The following ZFAND3 variants were observed in gnomAD, a reference collection of about 807,000 sequenced individuals.
ZFAND3 encodes the protein AN1-type zinc finger protein 3.
ZFAND3 carries 10 observed loss-of-function variants against 29.6 expected under a neutral mutation model. The ratio of observed to expected loss-of-function variants is 0.34; its 90% CI spans 0.21 to 0.57. ZFAND3 has a LOEUF of 0.57. ZFAND3 is among the 20% of genes least tolerant of loss of function. The probability of loss-of-function intolerance (pLI) is 0.86; values close to 1 mark genes in which losing one functional copy is unlikely to be tolerated. For missense variants in ZFAND3, 230 were observed against 304.5 expected, an observed-to-expected ratio of 0.76 and a Z score of 1.82; for synonymous variants, 128 against 112.6, an observed-to-expected ratio of 1.14 and a Z score of -0.87.
At chr6:37,826,765 A>G (rs577356395) in intron 1 of ZFAND3, among the ~76,000 whole-genome samples, 1 of 152,242 alleles carries the variant, frequency 6.6e-6, no homozygotes, top group East Asian at 1.9e-4. Flanking sequence ...AAAAAAAAAA[A>G]AAGTGTCTAA....
chr6:38,026,331 A>G (rs1763446620), intron 2 of ZFAND3, among the ~76,000 whole-genome samples: 1 of 151,400 alleles, frequency 6.6e-6, no homozygotes. Flanking sequence ...AACACTAACT[A>G]TATAAGGTCT....
rs35182018 is a variant in ZFAND3 at position 37,953,441 on chromosome 6, CTT to C, written c.112+23460_112+23461del. Among the ~76,000 whole-genome samples the C allele has an allele frequency of 8.6e-3, 913 of 106,202 alleles. 10 individuals are homozygous for C. Among genetic ancestry groups the C allele is most frequent in the African/African-American group, 0.029 (789 of 26,758 alleles). The allele number at this position is 106,202 out of a possible 152,430, so 69.7% of individuals were successfully genotyped here. On this transcript the variant is annotated intron_variant, in intron 2 of 5. Coordinates refer to ENST00000287218, the MANE Select transcript of ZFAND3 (RefSeq NM_021943.3). Reference sequence around the variant, plus strand: ...ATACGTTTTACTTTTGCATAATTATCTTTTTTTTTTTTTTTTTTTGGCCTTTC... The same window carrying C: ...ATACGTTTTACTTTTGCATAATTATCTTTTTTTTTTTTTTTTTGGCCTTTC...
Position 37,861,859 on chromosome 6 carries a change from G to T in ZFAND3, c.71+41843G>T, listed in dbSNP as rs1581716328. 7.9e-5 allele frequency among the ~76,000 whole-genome samples: 12 copies of T among 152,260 alleles called. No individual in the cohort carries two copies. The South Asian group carries it at 2.3e-3, about 29-fold the overall frequency. On this transcript the variant is annotated intron_variant, in intron 1 of 5. Transcript: ENST00000287218. ...ATTCTAATATTTCACTGTTTTTAGA[G>T]CCTTGTAAGCTTATTGAACTATTTC...
intron 2 of ZFAND3, among the ~76,000 whole-genome samples, chr6:37,942,365 C>T (rs902296435): frequency 3.3e-5 from 5 of 151,894 alleles, no homozygotes; most frequent in Non-Finnish European, 7.4e-5. Context: ...AAAAGTTTGT[C>T]ATTAAAAATG....
chr6:37,929,926 C>CTTCT, intron 1 of ZFAND3, 33 bp from the exon 2 acceptor site: 2 of 1,571,782 alleles, frequency 1.3e-6, no homozygotes, highest in Non-Finnish European at 1.7e-6. Context: ...GTTTTTAGCT[C>CTTCT]TTCTTTCTTT....
At chr6:37,828,220 C>A (rs1197828425) in intron 1 of ZFAND3, among the ~76,000 whole-genome samples, 1 of 152,202 alleles carries the variant, frequency 6.6e-6, no homozygotes, top group Non-Finnish European at 1.5e-5. Flanking sequence ...TTTGTCCAGG[C>A]ACTTGGTTTT....
At chr6:37,902,989 G>T (rs1765347800) in intron 1 of ZFAND3, among the ~76,000 whole-genome samples, 1 of 152,038 alleles carries the variant, frequency 6.6e-6, no homozygotes. Flanking sequence ...GTAACATAAA[G>T]CTGGAAAATT....
In ZFAND3 at chr6:37,842,253, A is replaced by G. The variant is rs1298069449; in HGVS notation, c.71+22237A>G. 2.0e-5 allele frequency among the ~76,000 whole-genome samples: 3 copies of G among 152,154 alleles called. No homozygotes were observed. In the East Asian group the frequency reaches 5.8e-4, roughly 29 times the overall value. Reference sequence around the variant, plus strand: ...CCAAACCTTTACCAGGAGATATACTATGTAATGCTACTCTCGCTCCAGAAA... The same window carrying G: ...CCAAACCTTTACCAGGAGATATACTGTGTAATGCTACTCTCGCTCCAGAAA... On this transcript the variant is annotated intron_variant, in intron 1 of 5. Transcript: ENST00000287218.
At chr6:37,848,565 C>T (rs1040247702) in intron 1 of ZFAND3, among the ~76,000 whole-genome samples, 89 of 152,340 alleles carry the variant, frequency 5.8e-4, no homozygotes, top group African/African-American at 1.9e-3. Flanking sequence ...TCTTTGCTAA[C>T]CTCTTTCTGG....
chr6:37,949,771 T>C, intron 2 of ZFAND3, among the ~76,000 whole-genome samples: 1 of 152,186 alleles, frequency 6.6e-6, no homozygotes, highest in South Asian at 2.1e-4. Flanking sequence ...GCACTGGAGC[T>C]TCTGACCCTG....
intron 1 of ZFAND3, among the ~76,000 whole-genome samples, chr6:37,928,092 G>A (rs1046204390): frequency 2.0e-5 from 3 of 152,134 alleles, no homozygotes; most frequent in Non-Finnish European, 4.4e-5. Flanking sequence ...CCTCATTGCT[G>A]TTGTGTTTAT....
At chr6:37,882,932 A>G (rs1764922627) in intron 1 of ZFAND3, among the ~76,000 whole-genome samples, 1 of 152,210 alleles carries the variant, frequency 6.6e-6, no homozygotes, top group South Asian at 2.1e-4. Flanking sequence ...TATTTAAAAC[A>G]TGTAGCCTGG....
intron 2 of ZFAND3, among the ~76,000 whole-genome samples, chr6:38,032,729 C>T (rs1324237412): frequency 1.3e-5 from 2 of 152,068 alleles, no homozygotes; most frequent in East Asian, 3.8e-4. Flanking sequence ...CAAAAGAGTC[C>T]CTGAACTTTA....
At chr6:37,874,065 G>GT (rs766315352) in intron 1 of ZFAND3, among the ~76,000 whole-genome samples, 2 of 152,294 alleles carry the variant, frequency 1.3e-5, no homozygotes, top group Non-Finnish European at 2.9e-5. Flanking sequence ...TCTGAAGGCT[G>GT]TAAGTCTGAA....
At chr6:37,993,317 A>ATTATTTAT (rs376405008) in intron 2 of ZFAND3, among the ~76,000 whole-genome samples, 284 of 151,372 alleles carry the variant, frequency 1.9e-3, no homozygotes, top group Middle Eastern at 3.4e-3. Context: ...ATTTTATTTT[A>ATTATTTAT]TTATTTATTT....
intron 1 of ZFAND3, among the ~76,000 whole-genome samples, chr6:37,909,990 A>G (rs1765491366): frequency 6.6e-6 from 1 of 152,232 alleles, no homozygotes; most frequent in African/African-American, 2.4e-5. Flanking sequence ...AGTTTAATTT[A>G]AAACATAAAT....
intron 5 of ZFAND3, among the ~76,000 whole-genome samples, chr6:38,125,739 A>G (rs1430098277): frequency 2.0e-5 from 3 of 152,208 alleles, no homozygotes; most frequent in Non-Finnish European, 4.4e-5. Flanking sequence ...ATTATTATAA[A>G]AGGAAGTGAA....
intron 1 of ZFAND3, among the ~76,000 whole-genome samples, chr6:37,900,926 A>C (rs546854004): frequency 2.0e-5 from 3 of 152,348 alleles, no homozygotes; most frequent in African/African-American, 7.2e-5. Flanking sequence ...AGGACCTACA[A>C]GAAACTGGTG....
Position 38,041,780 on chromosome 6 carries a change from CCTCTT to C in ZFAND3, c.113-19810_113-19806del, listed in dbSNP as rs1321313139. On this transcript the variant is annotated intron_variant, in intron 2 of 5. Transcript: ENST00000287218. ...TCCTCCTCCTCCTCCTCCTCCTCCT[CCTCTT>C]CTTTCTTCTTCTTCTCCTCTTCTTT... is the stretch of plus-strand genomic sequence containing the variant. 5.6e-3 allele frequency among the ~76,000 whole-genome samples: 20 copies of C among 3,570 alleles called. 9 individuals are homozygous for C. Among genetic ancestry groups the C allele is most frequent in the Non-Finnish European group, 0.032 (14 of 440 alleles). 2.3% of individuals were successfully genotyped at this position (3,570 alleles called of 152,430 possible).
Sources: gnomAD v4.1 joint callset for allele counts (sites outside exome capture counted in the v4.1 genomes callset) on GRCh38, gnomAD v4.1.1 for gene constraint, MANE v1.5 for transcripts, NCBI Gene and HGNC (gene_info 2026-07-23, HGNC 2026-07-21) for gene names.